TMEM272: variants seen among roughly 807,000 people sequenced by gnomAD.
TMEM272 encodes transmembrane protein 272, also known as long intergenic non-protein coding RNA 282.
TMEM272 carries 8 observed loss-of-function variants against 3.7 expected under a neutral mutation model. That is an observed-to-expected ratio of 2.17 (90% CI 1.27 to 3.91). TMEM272 has a LOEUF of 3.91. Ranked by LOEUF, TMEM272 falls within the 30% of genes most tolerant of loss-of-function variation. The pLI is 0.00. For missense variants in TMEM272, 166 were observed against 91.5 expected, an observed-to-expected ratio of 1.81 and a Z score of -3.32; for synonymous variants, 63 against 39.8, an observed-to-expected ratio of 1.58 and a Z score of -2.20.
At chr13:51,930,751 CA>C in the TMEM272 span, among the ~76,000 whole-genome samples, 138 of 130,062 alleles carry the variant, frequency 1.1e-3, no homozygotes, top group Non-Finnish European at 1.3e-3. Flanking sequence ...TTTTTTAGAG[CA>C]AAAAAAAAAA....
chr13:51,826,651 C>T lies in TMEM272; in HGVS notation c.59-26G>A, dbSNP rs566888982. The T allele has an allele frequency of 7.1e-6, 5 of 702,426 alleles. No individual in the cohort carries two copies. In the South Asian group the frequency reaches 7.4e-5, roughly 10 times the overall value. 43.5% of individuals were successfully genotyped at this position (702,426 alleles called of 1,614,324 possible). A position where few individuals can be genotyped will look rare whatever the true frequency, so the allele number is the denominator to read the frequency against. ...CTGCAAGGAGAAGAAGGGGCAGGCA[C>T]TGGGTTAGAAACACACAGACCCCTG... On this transcript the variant is annotated intron_variant, in intron 2 of 4. Transcript: ENST00000629372.
chr13:51,915,320 C>G, the TMEM272 span, among the ~76,000 whole-genome samples: 1 of 152,196 alleles, frequency 6.6e-6, no homozygotes, highest in Admixed American at 6.5e-5. Flanking sequence ...AGATACAGCA[C>G]TACTATTAAT....
At chr13:51,909,606 CTG>C in the TMEM272 span, 1 of 1,276,462 alleles carries the variant, frequency 7.8e-7, no homozygotes, top group Middle Eastern at 2.1e-4. Flanking sequence ...CTTCAGATAA[CTG>C]AATATAAATT....
At chr13:51,903,881 C>T in the TMEM272 span, among the ~76,000 whole-genome samples, 1 of 151,474 alleles carries the variant, frequency 6.6e-6, no homozygotes, top group Non-Finnish European at 1.5e-5. Flanking sequence ...GTTGTGCAAC[C>T]AAAGTGTCTT....
At chr13:51,851,492 C>T in the TMEM272 span, among the ~76,000 whole-genome samples, 3 of 147,362 alleles carry the variant, frequency 2.0e-5, no homozygotes, top group Non-Finnish European at 4.5e-5. Flanking sequence ...GGAATCTCTC[C>T]AAATCAGCAC....
the TMEM272 span, among the ~76,000 whole-genome samples, chr13:51,860,729 A>G: frequency 1.0e-3 from 33 of 31,522 alleles, no homozygotes; most frequent in East Asian, 3.8e-3. Flanking sequence ...ACATATATAT[A>G]TGTGTGTGTG....
the TMEM272 span, among the ~76,000 whole-genome samples, chr13:51,885,711 C>T: frequency 3.3e-5 from 5 of 152,212 alleles, no homozygotes; most frequent in Non-Finnish European, 5.9e-5. Flanking sequence ...AGGCTCTGGG[C>T]TGGCTTTACT....
In TMEM272 at chr13:51,820,837, T is replaced by A. The variant is rs114164012; in HGVS notation, c.201+1218A>T. ...TGAACAGAGTCCCAGGTAGATCCCA[T>A]GGGGATGTTGTGATGGGGATGATTG... On this transcript the variant is annotated intron_variant, in intron 4 of 4. Coordinates refer to ENST00000629372, the MANE Select transcript of TMEM272 (RefSeq NM_001351003.2). Among the ~76,000 whole-genome samples, 1,427 of 152,278 alleles carry A rather than the reference T, an allele frequency of 9.4e-3. 22 individuals carry two copies. Among genetic ancestry groups the A allele is most frequent in the African/African-American group, 0.033 (1,363 of 41,536 alleles).
chr13:51,840,276 A>T (rs987757187), intron 1 of TMEM272, among the ~76,000 whole-genome samples: 1 of 152,186 alleles, frequency 6.6e-6, no homozygotes, highest in African/African-American at 2.4e-5. Flanking sequence ...TGAGTCAGGG[A>T]TTAAGCAAGG....
chr13:51,835,728 A>G (rs1041546292), intron 2 of TMEM272, among the ~76,000 whole-genome samples: 4 of 152,258 alleles, frequency 2.6e-5, no homozygotes, highest in Non-Finnish European at 5.9e-5. Context: ...AGACATATTA[A>G]TTATGAAAAT....
chr13:51,856,077 A>G, the TMEM272 span, among the ~76,000 whole-genome samples: 1 of 152,206 alleles, frequency 6.6e-6, no homozygotes, highest in Non-Finnish European at 1.5e-5. Context: ...GTTTTTATAG[A>G]TGATTTGGTG....
the TMEM272 span, among the ~76,000 whole-genome samples, chr13:51,904,135 C>T: frequency 4.6e-5 from 7 of 152,286 alleles, no homozygotes; most frequent in Non-Finnish European, 1.0e-4. Flanking sequence ...CATTCACCAT[C>T]AGCATCAGAA....
intron 2 of TMEM272, among the ~76,000 whole-genome samples, chr13:51,837,936 C>T (rs1399760142): frequency 6.6e-6 from 1 of 152,226 alleles, no homozygotes; most frequent in Non-Finnish European, 1.5e-5. Context: ...ATACATCTCA[C>T]CATGATGTAA....
At chr13:51,846,089 A>G (rs1343364623), upstream of TMEM272, among the ~76,000 whole-genome samples, 1 of 152,196 alleles carries the variant, frequency 6.6e-6, no homozygotes, top group Non-Finnish European at 1.5e-5. Flanking sequence ...CTACCCCTGC[A>G]TTGCACACCC....
chr13:51,903,024 A>G, the TMEM272 span, among the ~76,000 whole-genome samples: 1 of 152,090 alleles, frequency 6.6e-6, no homozygotes, highest in South Asian at 2.1e-4. Flanking sequence ...GCCCTGGGCA[A>G]GGCACCAATA....
the TMEM272 span, among the ~76,000 whole-genome samples, chr13:51,903,182 C>T: frequency 6.6e-6 from 1 of 152,190 alleles, no homozygotes; most frequent in African/African-American, 2.4e-5. Context: ...AGGAGGTACA[C>T]AACTAGAACT....
the TMEM272 span, among the ~76,000 whole-genome samples, chr13:51,884,240 A>G: frequency 1.4e-5 from 1 of 69,500 alleles, no homozygotes; most frequent in Non-Finnish European, 3.2e-5. Context: ...ATGACCCATA[A>G]CCTGTATTTG....
chr13:51,901,066 A>C, the TMEM272 span, among the ~76,000 whole-genome samples: 2 of 152,228 alleles, frequency 1.3e-5, no homozygotes, highest in Non-Finnish European at 2.9e-5. Flanking sequence ...TGAATATACC[A>C]AAAACCACTG....
intron 1 of TMEM272, among the ~76,000 whole-genome samples, chr13:51,838,937 G>A (rs1336290306): frequency 6.6e-6 from 1 of 152,134 alleles, no homozygotes; most frequent in Non-Finnish European, 1.5e-5. Flanking sequence ...AAGTGTTACT[G>A]ACTCTGTTTT....
Sources: gnomAD v4.1 joint callset for allele counts (sites outside exome capture counted in the v4.1 genomes callset) on GRCh38, gnomAD v4.1.1 for gene constraint, MANE v1.5 for transcripts, NCBI Gene and HGNC (gene_info 2026-07-23, HGNC 2026-07-21) for gene names.